AGMO: variants seen among roughly 807,000 people sequenced by gnomAD.
The protein encoded by AGMO is alkylglycerol monooxygenase.
In AGMO, 75 loss-of-function variants were observed where a neutral mutation model predicts 60.2. The ratio of observed to expected loss-of-function variants is 1.25; its 90% CI spans 1.03 to 1.51. The LOEUF (loss-of-function observed/expected upper bound fraction) is 1.51. Among genes scored for constraint, AGMO ranks in the 40% most tolerant of loss-of-function variants. The pLI is 0.00. For synonymous variants in AGMO, 261 were observed against 177.1 expected (o/e 1.47, Z -3.76); for missense variants, 763 against 525.5 (o/e 1.45, Z -4.42).
At chr7:15,546,097 C>T (rs528591988) in intron 2 of AGMO, among the ~76,000 whole-genome samples, 1 of 151,992 alleles carries the variant, frequency 6.6e-6, no homozygotes, top group Non-Finnish European at 1.5e-5. Flanking sequence ...TTTTAAAGAT[C>T]CAGCCCTTTA....
intron 10 of AGMO, among the ~76,000 whole-genome samples, chr7:15,381,629 C>G (rs1783689406): frequency 6.6e-6 from 1 of 151,778 alleles, no homozygotes; most frequent in African/African-American, 2.4e-5. Context: ...TCCTCAAAGA[C>G]AAAGACAGGA....
chr7:15,264,364 G>C (rs947964534), intron 12 of AGMO, among the ~76,000 whole-genome samples: 9 of 151,658 alleles, frequency 5.9e-5, no homozygotes, highest in African/African-American at 2.2e-4. Context: ...TAAAACCAAA[G>C]TAATGGACAA....
intron 3 of AGMO, among the ~76,000 whole-genome samples, chr7:15,529,471 T>A (rs1327166363): frequency 7.0e-6 from 1 of 142,776 alleles, no homozygotes; most frequent in African/African-American, 2.6e-5. Context: ...AAGCTCAGGT[T>A]CTACCCCCTA....
At chr7:15,537,485 T>C (rs986035840) in intron 3 of AGMO, among the ~76,000 whole-genome samples, 5 of 152,174 alleles carry the variant, frequency 3.3e-5, no homozygotes, top group South Asian at 2.1e-4. Flanking sequence ...CTTTACTCCA[T>C]TTATGCCTTC....
chr7:15,404,381 C>T (rs1431712065), intron 5 of AGMO, among the ~76,000 whole-genome samples: 1 of 151,858 alleles, frequency 6.6e-6, no homozygotes, highest in East Asian at 1.9e-4. Flanking sequence ...TTTTGAATAA[C>T]ACTTTTGGTT....
At chr7:15,466,880 A>G (rs1782308126) in intron 3 of AGMO, among the ~76,000 whole-genome samples, 2 of 152,140 alleles carry the variant, frequency 1.3e-5, no homozygotes, top group South Asian at 4.1e-4. Flanking sequence ...TCTGTCTTCT[A>G]CTATGTAAAC....
chr7:15,302,129 CATTA>C (rs5882492), intron 12 of AGMO, among the ~76,000 whole-genome samples: 4,605 of 152,192 alleles, frequency 0.03, 218 homozygotes, highest in African/African-American at 0.1. Context: ...ACAATCAAAA[CATTA>C]ATTATCCTTT....
chr7:15,448,295 C>T (rs183270294), intron 3 of AGMO, among the ~76,000 whole-genome samples: 34 of 152,228 alleles, frequency 2.2e-4, no homozygotes, highest in Admixed American at 1.7e-3. Context: ...GATTAGTGCC[C>T]TTCTAAAAGA....
At chr7:15,306,362 A>G (rs1443893006) in intron 12 of AGMO, 1 of 276,556 alleles carries the variant, frequency 3.6e-6, no homozygotes, top group Non-Finnish European at 7.5e-6. Flanking sequence ...ATGGATCAAA[A>G]AGACCCCTTG....
chr7:15,516,947 C>T lies in AGMO; in HGVS notation c.409+27825G>A, dbSNP rs1363216218. Reference sequence around the variant, plus strand: ...AAGAGTCTCCACATGAAAGAACAGACATTGACTGTCCAAAGTCATAACACA... The same window carrying T: ...AAGAGTCTCCACATGAAAGAACAGATATTGACTGTCCAAAGTCATAACACA... On this transcript the variant is annotated intron_variant, in intron 3 of 12. Transcript: ENST00000342526. Among the ~76,000 whole-genome samples, 4 of 151,866 alleles carry T rather than the reference C, an allele frequency of 2.6e-5. No individual in the cohort carries two copies. In the East Asian group the frequency reaches 5.8e-4, roughly 22 times the overall value.
the AGMO span, among the ~76,000 whole-genome samples, chr7:15,118,903 T>A: frequency 1.5e-5 from 1 of 65,646 alleles, no homozygotes; most frequent in Admixed American, 1.7e-4. Context: ...TTTTTTTTTT[T>A]TTTTTTTTTT....
intron 3 of AGMO, among the ~76,000 whole-genome samples, chr7:15,500,691 G>T (rs533699738): frequency 1.3e-5 from 2 of 151,860 alleles, no homozygotes; most frequent in African/African-American, 4.8e-5. Context: ...GTTTCCTTCA[G>T]TTCAGCTCTG....
intron 12 of AGMO, among the ~76,000 whole-genome samples, chr7:15,354,880 A>T (rs1362410614): frequency 1.4e-5 from 2 of 141,426 alleles, no homozygotes; most frequent in Non-Finnish European, 3.2e-5. Flanking sequence ...ATATATTCTC[A>T]TATGTTACAT....
the AGMO span, among the ~76,000 whole-genome samples, chr7:15,182,045 T>C: frequency 2.5e-3 from 374 of 152,288 alleles, 1 homozygote; most frequent in African/African-American, 8.3e-3. Flanking sequence ...ACGAAGGGAA[T>C]TCTGATACAT....
chr7:15,317,967 T>TATAC (rs1554412239), intron 12 of AGMO, among the ~76,000 whole-genome samples: 76 of 144,776 alleles, frequency 5.2e-4, no homozygotes, highest in African/African-American at 1.9e-3. Flanking sequence ...TATATATATA[T>TATAC]ACACACACAC....
chr7:15,454,954 T>C (rs540974412), intron 3 of AGMO, among the ~76,000 whole-genome samples: 4 of 152,088 alleles, frequency 2.6e-5, no homozygotes, highest in African/African-American at 7.2e-5. Flanking sequence ...CTTTTCTCCA[T>C]GTTGTTAAAC....
At chr7:15,506,789 G>A (rs754864504) in intron 3 of AGMO, among the ~76,000 whole-genome samples, 3 of 151,730 alleles carry the variant, frequency 2.0e-5, no homozygotes, top group Non-Finnish European at 4.4e-5. Flanking sequence ...TGTGAGATGA[G>A]GTAAATACAC....
At position 15,405,475 on chromosome 7, in the gene AGMO, G is replaced by T. The variant is rs892050973; in HGVS notation, c.610-11296C>A. On this transcript the variant is annotated intron_variant, in intron 5 of 12. Coordinates refer to ENST00000342526, the MANE Select transcript of AGMO (RefSeq NM_001004320.2). Reference sequence around the variant, plus strand: ...ACTCACCAGAGATTTATTTTACGTGGTTCTTGGAAGGGAGCAATCATTCTG... The same window carrying T: ...ACTCACCAGAGATTTATTTTACGTGTTTCTTGGAAGGGAGCAATCATTCTG... 5.3e-5 allele frequency among the ~76,000 whole-genome samples: 8 copies of T among 151,956 alleles called. No homozygotes were observed. The East Asian group carries it at 1.4e-3, about 26-fold the overall frequency.
At chr7:15,178,550 C>CT in the AGMO span, among the ~76,000 whole-genome samples, 3 of 151,942 alleles carry the variant, frequency 2.0e-5, no homozygotes, top group Non-Finnish European at 4.4e-5. Context: ...TGTTTTGCTG[C>CT]TTTTTTTCCT....
Sources: allele counts gnomAD v4.1 joint callset (sites outside exome capture counted in the v4.1 genomes callset), GRCh38; gene constraint gnomAD v4.1.1; transcripts MANE v1.5; gene names NCBI Gene and HGNC (gene_info 2026-07-23, HGNC 2026-07-21).